Variants in NEK6 observed in about 807,000 individuals in gnomAD.
NEK6 encodes serine/threonine-protein kinase Nek6.
Under a neutral mutation model 43.5 loss-of-function variants are expected in NEK6, and 27 were observed. The observed-to-expected ratio is 0.62, with a 90% CI of 0.46 to 0.86. NEK6 has a LOEUF of 0.86. NEK6 is among the 40% of genes least tolerant of loss of function. NEK6 has a pLI of 0.00. For missense variants in NEK6, 318 were observed against 414.4 expected (o/e 0.77, Z 2.02); for synonymous variants, 167 against 164.1 (o/e 1.02, Z -0.14).
At chr9:124,347,420 G>C (rs916020625) in intron 8 of NEK6, among the ~76,000 whole-genome samples, 4 of 152,260 alleles carry the variant, frequency 2.6e-5, no homozygotes, top group African/African-American at 9.6e-5. Context: ...GTGGGAGCAA[G>C]GTGGGAATTA....
chr9:124,261,488 C>T (rs1238864897), intron 1 of NEK6: 11 of 985,344 alleles, frequency 1.1e-5, no homozygotes, highest in African/African-American at 1.7e-5. Context: ...GGCTGGGACA[C>T]TGTTCGCAGG....
At chr9:124,260,485 C>G (rs893019620) in intron 1 of NEK6, among the ~76,000 whole-genome samples, 1 of 152,194 alleles carries the variant, frequency 6.6e-6, no homozygotes, top group African/African-American at 2.4e-5. Flanking sequence ...CCTCTGCCTC[C>G]TGGGTTCAAG....
intron 1 of NEK6, among the ~76,000 whole-genome samples, chr9:124,297,456 TC>T: frequency 6.6e-6 from 1 of 152,286 alleles, no homozygotes; most frequent in East Asian, 1.9e-4. Context: ...ACTCCTGCAG[TC>T]CAGCTCCCCG....
At chr9:124,312,358 G>T in intron 2 of NEK6, 151 bp from the exon 3 acceptor site, 1 of 907,094 alleles carries the variant, frequency 1.1e-6, no homozygotes, top group Non-Finnish European at 1.6e-6. Flanking sequence ...GCCCCCTGGG[G>T]GGGTGCCTGG....
intron 8 of NEK6, among the ~76,000 whole-genome samples, chr9:124,345,570 C>G (rs1397186548): frequency 6.6e-6 from 1 of 152,208 alleles, no homozygotes; most frequent in Non-Finnish European, 1.5e-5. Context: ...TTTGGAGTTC[C>G]CAGCAGCGAG....
intron 8 of NEK6, among the ~76,000 whole-genome samples, chr9:124,340,133 T>TAAAGACCACCACCTCTCCCC (rs71372959): frequency 0.98 from 148,469 of 151,280 alleles, 72,889 homozygotes; most frequent in East Asian, 1. Flanking sequence ...TGGGTCTCCC[T>TAAAGACCACCACCTCTCCCC]AAAGACCACC....
intron 1 of NEK6, chr9:124,292,991 G>T: frequency 6.4e-7 from 1 of 1,574,250 alleles, no homozygotes; most frequent in Non-Finnish European, 8.6e-7. Context: ...GGCAGGAGGA[G>T]CAGAGCCTGC....
chr9:124,320,938 T>C (rs1834033945), intron 4 of NEK6, among the ~76,000 whole-genome samples: 1 of 152,062 alleles, frequency 6.6e-6, no homozygotes, highest in Non-Finnish European at 1.5e-5. Context: ...CAAAAAAATA[T>C]TTTAAAAAAA....
At chr9:124,274,436 G>T (rs901978045) in intron 1 of NEK6, among the ~76,000 whole-genome samples, 1 of 152,216 alleles carries the variant, frequency 6.6e-6, no homozygotes, top group Non-Finnish European at 1.5e-5. Context: ...AGATGAAACA[G>T]CAGAGTCCCA....
chr9:124,292,319 T>C, intron 1 of NEK6: 1 of 1,416,876 alleles, frequency 7.1e-7, no homozygotes, highest in Non-Finnish European at 9.3e-7. Context: ...GGGACAGGGG[T>C]GGCTGCTGAT....
chr9:124,259,091 G>C, intron 1 of NEK6, among the ~76,000 whole-genome samples: 1 of 152,218 alleles, frequency 6.6e-6, no homozygotes, highest in Admixed American at 6.5e-5. Flanking sequence ...GTAACAAATT[G>C]ATCACAGCGG....
At chr9:124,269,010 G>A (rs73666840) in intron 1 of NEK6, among the ~76,000 whole-genome samples, 2,449 of 152,272 alleles carry the variant, frequency 0.016, 74 homozygotes, top group African/African-American at 0.055. Flanking sequence ...CCCGAGAAGC[G>A]TCACAGGACA....
chr9:124,263,460 A>G (rs1831112169), intron 1 of NEK6, among the ~76,000 whole-genome samples: 1 of 152,214 alleles, frequency 6.6e-6, no homozygotes, highest in East Asian at 1.9e-4. Context: ...CATCTGGAAA[A>G]CAGGGATAAT....
chr9:124,298,538 C>T (rs764908353), intron 1 of NEK6, among the ~76,000 whole-genome samples: 2 of 152,028 alleles, frequency 1.3e-5, no homozygotes, highest in African/African-American at 2.4e-5. Context: ...CCTTGTGGTC[C>T]GCCAGCCCTG....
chr9:124,340,221 G>A (rs903679357), intron 8 of NEK6, among the ~76,000 whole-genome samples: 3 of 152,110 alleles, frequency 2.0e-5, no homozygotes, highest in Non-Finnish European at 4.4e-5. Context: ...CAAAGGGACA[G>A]GAACATTTCT....
chr9:124,320,305 A>T (rs1834003301), intron 4 of NEK6, among the ~76,000 whole-genome samples: 2 of 152,164 alleles, frequency 1.3e-5, no homozygotes, highest in Admixed American at 1.3e-4. Context: ...CCAGTGGCTG[A>T]GCCTGCTCTG....
intron 1 of NEK6, chr9:124,261,367 C>T: frequency 1.0e-6 from 1 of 969,828 alleles, no homozygotes; most frequent in Non-Finnish European, 1.2e-6. Context: ...TATTTCCTTC[C>T]TCTTCTCAGG....
chr9:124,336,241 GA>G (rs1053133790), intron 7 of NEK6, among the ~76,000 whole-genome samples: 1 of 150,896 alleles, frequency 6.6e-6, no homozygotes, highest in African/African-American at 2.4e-5. Flanking sequence ...CTGTCTTAAA[GA>G]AAAAAAAGAA....
chr9:124,311,726 A>G (rs953795337), intron 2 of NEK6, among the ~76,000 whole-genome samples: 2 of 152,290 alleles, frequency 1.3e-5, no homozygotes, highest in African/African-American at 2.4e-5. Context: ...CAGAGTCTCC[A>G]TCACCCAGGC....
Sources: gnomAD v4.1 joint callset for allele counts (sites outside exome capture counted in the v4.1 genomes callset) on GRCh38, gnomAD v4.1.1 for gene constraint, MANE v1.5 for transcripts, NCBI Gene and HGNC (gene_info 2026-07-23, HGNC 2026-07-21) for gene names.